CTNNA3: variants seen among roughly 807,000 people sequenced by gnomAD.
The protein encoded by CTNNA3 is catenin alpha-3.
A neutral mutation model predicts 95.7 loss-of-function variants in CTNNA3; 76 were observed. The observed-to-expected ratio is 0.79, with a 90% confidence interval of 0.66 to 0.96. CTNNA3 has a LOEUF of 0.96. CTNNA3 is among the 40% of genes least tolerant of loss of function. The pLI, the probability that CTNNA3 is intolerant of heterozygous loss-of-function variation, is 0.00. For missense variants in CTNNA3, 1,191 were observed against 1,089.8 expected (o/e 1.09, Z -1.31); for synonymous variants, 431 against 374.4 (o/e 1.15, Z -1.74).
At chr10:66,355,994 A>G (rs1026662611) in intron 12 of CTNNA3, among the ~76,000 whole-genome samples, 3 of 150,312 alleles carry the variant, frequency 2.0e-5, no homozygotes, top group Non-Finnish European at 4.5e-5. Flanking sequence ...TGATTTCTGA[A>G]CTTTCCAAAT....
chr10:67,418,721 CA>C (rs1300691882), intron 5 of CTNNA3, among the ~76,000 whole-genome samples: 1 of 151,950 alleles, frequency 6.6e-6, no homozygotes, highest in African/African-American at 2.4e-5. Context: ...TAGAAAATTT[CA>C]ATTAGATGGA....
chr10:66,220,135 T>G (rs4745890), intron 13 of CTNNA3, among the ~76,000 whole-genome samples: 86,559 of 151,248 alleles, frequency 0.57, 24,727 homozygotes, highest in Admixed American at 0.64. Flanking sequence ...AAAATAATAA[T>G]AAGAAGAAGA....
At chr10:67,120,994 T>C (rs1859436119) in intron 7 of CTNNA3, among the ~76,000 whole-genome samples, 1 of 152,074 alleles carries the variant, frequency 6.6e-6, no homozygotes, top group African/African-American at 2.4e-5. Context: ...TAATTTCTTC[T>C]AAGTCTCTAT....
chr10:66,716,928 G>A (rs114987756), intron 9 of CTNNA3, among the ~76,000 whole-genome samples: 25 of 152,034 alleles, frequency 1.6e-4, no homozygotes, highest in Admixed American at 1.6e-3. Flanking sequence ...TTTTACAGAC[G>A]TGGTGAGCAT....
chr10:66,267,454 T>C (rs189679287), intron 13 of CTNNA3, among the ~76,000 whole-genome samples: 1 of 152,300 alleles, frequency 6.6e-6, no homozygotes, highest in African/African-American at 2.4e-5. Context: ...GTCTCTGTAT[T>C]TTAAAACATG....
At chr10:67,385,215 C>G (rs1327618139) in intron 5 of CTNNA3, among the ~76,000 whole-genome samples, 2 of 152,354 alleles carry the variant, frequency 1.3e-5, no homozygotes, top group African/African-American at 4.8e-5. Flanking sequence ...AGCTTATAGT[C>G]TAATGACCTC....
At chr10:67,244,104 A>T (rs535549888) in intron 5 of CTNNA3, among the ~76,000 whole-genome samples, 2 of 152,324 alleles carry the variant, frequency 1.3e-5, no homozygotes, top group Non-Finnish European at 2.9e-5. Flanking sequence ...TCACAACTGC[A>T]AAAAAGCTCA....
chr10:67,345,527 T>C (rs1842377631), intron 5 of CTNNA3, among the ~76,000 whole-genome samples: 1 of 152,148 alleles, frequency 6.6e-6, no homozygotes, highest in Non-Finnish European at 1.5e-5. Context: ...GCATATATAT[T>C]TAAAATTGTT....
intron 5 of CTNNA3, among the ~76,000 whole-genome samples, chr10:67,249,051 A>T (rs1289441811): frequency 6.6e-6 from 1 of 152,214 alleles, no homozygotes; most frequent in Non-Finnish European, 1.5e-5. Flanking sequence ...TTTATTAGAT[A>T]TGACAACAAA....
chr10:67,731,626 C>T (rs1346275501), intron 1 of CTNNA3, among the ~76,000 whole-genome samples: 2 of 151,750 alleles, frequency 1.3e-5, no homozygotes, highest in African/African-American at 2.4e-5. Context: ...CACGGTGAAA[C>T]CCCGTCTCTA....
intron 7 of CTNNA3, among the ~76,000 whole-genome samples, chr10:66,930,016 A>G (rs897135965): frequency 1.3e-5 from 2 of 152,018 alleles, no homozygotes; most frequent in Non-Finnish European, 2.9e-5. Context: ...AAACAGAATC[A>G]CTGCAGCAAC....
intron 5 of CTNNA3, among the ~76,000 whole-genome samples, chr10:67,324,959 A>G (rs1841482371): frequency 6.6e-6 from 1 of 152,072 alleles, no homozygotes; most frequent in African/African-American, 2.4e-5. Flanking sequence ...TTCCTGGTTC[A>G]GTCTTGGGAG....
intron 3 of CTNNA3, among the ~76,000 whole-genome samples, chr10:67,561,536 G>A (rs1365916220): frequency 7.3e-6 from 1 of 136,296 alleles, no homozygotes; most frequent in Non-Finnish European, 1.5e-5. Context: ...GAGAAAGCAG[G>A]AAAGACCTAA....
At chr10:67,592,356 C>T (rs1243959799) in intron 3 of CTNNA3, among the ~76,000 whole-genome samples, 2 of 152,116 alleles carry the variant, frequency 1.3e-5, no homozygotes, top group East Asian at 1.9e-4. Flanking sequence ...CATTCCTCCT[C>T]ACCAAGCTGG....
At chr10:67,721,069 G>A (rs1303871913) in intron 1 of CTNNA3, among the ~76,000 whole-genome samples, 1 of 152,144 alleles carries the variant, frequency 6.6e-6, no homozygotes. Flanking sequence ...CTTTCTCTCA[G>A]GCTGCCCTTA....
chr10:66,193,914 G>C (rs2086811611), intron 13 of CTNNA3, among the ~76,000 whole-genome samples: 1 of 152,036 alleles, frequency 6.6e-6, no homozygotes, highest in Non-Finnish European at 1.5e-5. Context: ...AGAATATATT[G>C]TCCATACACA....
chr10:66,144,489 A>AT (rs201327500), intron 13 of CTNNA3, among the ~76,000 whole-genome samples: 38 of 151,048 alleles, frequency 2.5e-4, no homozygotes, highest in African/African-American at 7.0e-4. Context: ...ATATTTATTT[A>AT]TTTATTTTTT....
chr10:67,593,318 C>A lies in CTNNA3; in HGVS notation c.292+13539G>T, dbSNP rs138287320. ...TCTTTTTGGTAGAATGATTTATTTTCTTTTGGATATATATGTAAATTGCTT... is the reference window on the plus strand; with the variant it reads ...TCTTTTTGGTAGAATGATTTATTTTATTTTGGATATATATGTAAATTGCTT... On this transcript the variant is annotated intron_variant, in intron 3 of 17. Coordinates refer to ENST00000433211, the MANE Select transcript of CTNNA3 (RefSeq NM_013266.4). Among the ~76,000 whole-genome samples, 884 of 152,060 alleles carry A rather than the reference C, an allele frequency of 5.8e-3. 17 individuals are homozygous for A. The highest frequency in any genetic ancestry group is 0.02 in the African/African-American group (842 of 41,500).
Position 67,738,051 on chromosome 10 carries a change from G to T in CTNNA3, c.-2+25383C>A, listed in dbSNP as rs563388936. The stretch of plus-strand genomic sequence containing the variant: ...ACAGCCTTCACTGGTGATACTTCCA[G>T]GTATGAAGAAAACCGAGGCAACTAG... On this transcript the variant is annotated intron_variant, in intron 1 of 17. Coordinates refer to the CTNNA3 transcript ENST00000684154. Among the ~76,000 whole-genome samples the T allele has an allele frequency of 4.6e-5, 7 of 152,278 alleles. No homozygotes were observed. In the South Asian group the frequency reaches 1.5e-3, roughly 32 times the overall value.
Sources: allele counts gnomAD v4.1 joint callset (sites outside exome capture counted in the v4.1 genomes callset), GRCh38; gene constraint gnomAD v4.1.1; transcripts MANE v1.5; gene names NCBI Gene and HGNC (gene_info 2026-07-23, HGNC 2026-07-21).